Variants in KCNH4 observed in about 807,000 individuals in gnomAD.
KCNH4 encodes the protein voltage-gated delayed rectifier potassium channel KCNH4.
In KCNH4, 33 loss-of-function variants were observed where a neutral mutation model predicts 90.7. That is an observed-to-expected ratio of 0.36 (90% confidence interval 0.28 to 0.49). The LOEUF (loss-of-function observed/expected upper bound fraction) is 0.49. KCNH4 is among the 20% of genes least tolerant of loss of function. The pLI is 0.98. For missense variants in KCNH4, 1,044 were observed against 1,387.1 expected (o/e 0.75, Z 3.93); for synonymous variants, 551 against 581.7 (o/e 0.95, Z 0.76).
rs879025394 is a variant in KCNH4, at chr17:42,169,663, A to G, written c.1404T>C (p.Ala468=). Residue 468 remains alanine, a synonymous_variant, in exon 9 of 17, where the codon GCT becomes GCC. Transcript: ENST00000264661. ...TGGCTGTCACGTTCCCGAACACCAC[A>G]GCGTGCATCAGGGCTGCAGCAGCAG... ...CTMLIGALMH[A]VVFGNVTAII... The G allele has an allele frequency of 6.8e-6, 11 of 1,613,618 alleles. No individual in the cohort carries two copies. The South Asian group carries it at 1.2e-4, about 18-fold the overall frequency.
intron 12 of KCNH4, 75 bp downstream of exon 12, chr17:42,164,055 T>A: frequency 6.6e-7 from 1 of 1,511,574 alleles, no homozygotes; most frequent in South Asian, 1.2e-5. Flanking sequence ...TCCCCATCCA[T>A]GGAAAGGGGG....
chr17:42,164,284 G>A, intron 11 of KCNH4, 116 bp from the exon 12 acceptor site: 1 of 910,964 alleles, frequency 1.1e-6, no homozygotes, highest in Non-Finnish European at 1.6e-6. Flanking sequence ...CTTTTGTGGA[G>A]CTGAGTCAGA....
chr17:42,163,707 A>C lies in KCNH4; in HGVS notation c.2376T>G (p.Ser792Arg), dbSNP rs536215493. The change falls in exon 13 of 17, where the codon AGT (serine) becomes AGG (arginine). Residue 792 changes from serine (S) to arginine (R), a missense_variant. Physicochemically the swap from Ser to Arg is moderately radical, Grantham distance 110. Around this residue, in one of 4 missense-constraint regions of KCNH4, gnomAD observed 441 missense variants for 512.3 expected, o/e 0.86. Coordinates refer to ENST00000264661, the MANE Select transcript of KCNH4 (RefSeq NM_012285.3). The surrounding 1 kb of genome is among the most constrained non-coding windows in gnomAD (Gnocchi z 5.4). Reference protein sequence around the residue: ...LSPALAGQGHSASPHGPPRCS... With the variant: ...LSPALAGQGHRASPHGPPRCS... ...ACCTGGGGGGGCCGTGAGGGGAGGC[A>C]CTGTGGCCCTGGCCAGCCAGGGCAG... The C allele has an allele frequency of 1.3e-6, 2 of 1,517,824 alleles. No individual in the cohort carries two copies. The highest frequency in any genetic ancestry group is 1.3e-5 in the South Asian group (1 of 75,344). The allele number at this position is 1,517,824 out of a possible 1,614,324, so 94.0% of individuals were successfully genotyped here. A position where few individuals can be genotyped will look rare whatever the true frequency, so the allele number is the denominator to read the frequency against.
chr17:42,160,147 G>A lies in KCNH4; in HGVS notation c.2947C>T (p.Pro983Ser), dbSNP rs537473563. The A allele has an allele frequency of 6.2e-7, 1 of 1,611,860 alleles. No individual in the cohort carries two copies. The highest frequency in any genetic ancestry group is 2.2e-5 in the East Asian group (1 of 44,852). Reference protein sequence around the residue: ...DLRPSILPPYPSEPDPLGPSP... With the variant: ...DLRPSILPPYSSEPDPLGPSP... ...GGTCCCAGAGGGTCAGGCTCTGAGGGGTAGGGGGGCAATATGGAAGGTCTC... is the reference window on the plus strand; with the variant it reads ...GGTCCCAGAGGGTCAGGCTCTGAGGAGTAGGGGGGCAATATGGAAGGTCTC... The change falls in exon 16 of 17, where the codon CCC (proline) becomes TCC (serine). Residue 983 changes from proline (P) to serine (S), a missense_variant. Physicochemically the swap from Pro to Ser is moderately conservative, Grantham distance 74. This residue lies in a region of KCNH4 where 441 missense variants were observed against 512.3 expected (regional missense o/e 0.86). Transcript: ENST00000264661.
chr17:42,170,300 G>C lies in KCNH4; in HGVS notation c.1197C>G (p.Gly399=). The C allele has an allele frequency of 6.3e-7, 1 of 1,587,696 alleles. No homozygotes were observed. ...GACGCTTGCCCAACTCATGCAACCA[G>C]CCTGCAGGGTGGACGGATGCAGGGA... ...EANDPLLWDI[G]WLHELGKRLE... is the part of the protein sequence containing the mutation. The change falls in exon 8 of 17, where the codon GGC becomes GGG. Residue 399 remains glycine, a splice_region_variant and synonymous_variant. Coordinates refer to ENST00000264661, the MANE Select transcript of KCNH4 (RefSeq NM_012285.3).
chr17:42,162,319 T>C lies in KCNH4; in HGVS notation c.2587A>G (p.Thr863Ala), dbSNP rs748255437. ...RPRSQAPPTG[T>A]RPSPELASEA... Reference sequence around the variant, plus strand: ...CTGGCCAATTCTGGGCTGGGCCTGGTCCCTGCAGGGTGAAGGGATGCAGGT... The same window carrying C: ...CTGGCCAATTCTGGGCTGGGCCTGGCCCCTGCAGGGTGAAGGGATGCAGGT... The change falls in exon 15 of 17, where the codon ACC becomes GCC. Residue 863 changes from threonine (T) to alanine (A), a missense_variant and splice_region_variant. Physicochemically the swap from Thr to Ala is moderately conservative, Grantham distance 58. Around this residue, in one of 4 missense-constraint regions of KCNH4, gnomAD observed 441 missense variants for 512.3 expected, o/e 0.86. Coordinates refer to ENST00000264661, the MANE Select transcript of KCNH4 (RefSeq NM_012285.3). 23 of 1,613,874 alleles carry C rather than the reference T, an allele frequency of 1.4e-5. No homozygotes were observed. Among genetic ancestry groups the C allele is most frequent in the Non-Finnish European group, 1.9e-5 (22 of 1,179,880 alleles).
rs1197704178 is a variant in KCNH4 at position 42,178,166 on chromosome 17, A to G, written c.519T>C (p.Arg173=). 2 of 1,614,186 alleles carry G rather than the reference A, an allele frequency of 1.2e-6. No homozygotes were observed. Among genetic ancestry groups the G allele is most frequent in the South Asian group, 1.1e-5 (1 of 91,088 alleles). The part of the protein sequence containing the change: ...WKFRSARRRS[R]TVLHRLTGHF... ...GGCCGGTCAGTCGGTGTAGGACAGTACGGCTCCGTCTTCTGGCAGACCGAA... is the reference window on the plus strand; with the variant it reads ...GGCCGGTCAGTCGGTGTAGGACAGTGCGGCTCCGTCTTCTGGCAGACCGAA... The change falls in exon 4 of 17, where the codon CGT becomes CGC. Residue 173 remains arginine, a synonymous_variant. Coordinates refer to ENST00000264661, the MANE Select transcript of KCNH4 (RefSeq NM_012285.3).
At chr17:42,164,235 G>C in intron 11 of KCNH4, 67 bp from the exon 12 acceptor site, 2 of 1,389,042 alleles carry the variant, frequency 1.4e-6, no homozygotes, top group Non-Finnish European at 9.7e-7. Context: ...GACCCTCCCT[G>C]TCCCACCCAA....
rs1434442149 is a variant in KCNH4, at chr17:42,160,313, A to C, written c.2781T>G (p.Pro927=). The C allele has an allele frequency of 2.5e-6, 4 of 1,613,972 alleles. No individual in the cohort carries two copies. The highest frequency in any genetic ancestry group is 2.5e-6 in the Non-Finnish European group (3 of 1,179,958). ...HPAGSAWTPD[P]PCPQLRPPCL... The stretch of plus-strand genomic sequence containing the variant: ...ATGGTGGCCTCAGCTGTGGACAAGG[A>C]GGGTCTGGGGTCCAAGCGGAGCCTG... Residue 927 remains proline, a synonymous_variant, in exon 16 of 17, where the codon CCT becomes CCG. Coordinates refer to ENST00000264661, the MANE Select transcript of KCNH4 (RefSeq NM_012285.3).
rs1295736251 is a variant in KCNH4, at chr17:42,160,321, G to C, written c.2773C>G (p.Pro925Ala). The C allele has an allele frequency of 6.2e-7, 1 of 1,614,102 alleles. No individual in the cohort carries two copies. Among genetic ancestry groups the C allele is most frequent in the East Asian group, 2.2e-5 (1 of 44,860 alleles). The change falls in exon 16 of 17, where the codon CCA (proline) becomes GCA (alanine). Residue 925 changes from proline (P) to alanine (A), a missense_variant. Pro to Ala is a conservative substitution (Grantham distance 27, BLOSUM62 -1). Coordinates refer to ENST00000264661, the MANE Select transcript of KCNH4 (RefSeq NM_012285.3). ...PGHPAGSAWT[P>A]DPPCPQLRPP... is the part of the protein sequence containing the mutation. ...CTCAGCTGTGGACAAGGAGGGTCTG[G>C]GGTCCAAGCGGAGCCTGCTGGGTGG...
intron 6 of KCNH4, 69 bp downstream of exon 6, chr17:42,175,510 G>T: frequency 6.3e-7 from 1 of 1,577,542 alleles, no homozygotes; most frequent in Non-Finnish European, 8.7e-7. Context: ...TTTGGGGTCA[G>T]TCCCTTCCTG....
chr17:42,161,053 AG>A (rs1215394136), intron 15 of KCNH4, among the ~76,000 whole-genome samples: 1 of 149,760 alleles, frequency 6.7e-6, no homozygotes, highest in East Asian at 2.0e-4. Context: ...CAGCCTCCCA[AG>A]TAGCCGAGAC....
chr17:42,160,492 C>G, intron 15 of KCNH4, 57 bp from the exon 16 acceptor site: 1 of 1,498,980 alleles, frequency 6.7e-7, no homozygotes, highest in African/African-American at 1.4e-5. Flanking sequence ...AAGGTGCACC[C>G]CCCTCTCCAG....
chr17:42,177,765 C>A (rs957007949), intron 4 of KCNH4, among the ~76,000 whole-genome samples: 4 of 152,170 alleles, frequency 2.6e-5, no homozygotes, highest in Non-Finnish European at 4.4e-5. Flanking sequence ...AGGGCTTTCT[C>A]CCTAGAACTA....
chr17:42,177,847 A>G (rs1445332230), intron 4 of KCNH4, among the ~76,000 whole-genome samples: 1 of 152,234 alleles, frequency 6.6e-6, no homozygotes, highest in Non-Finnish European at 1.5e-5. Flanking sequence ...TTGCTGCTAG[A>G]GCAATGTGAC....
At chr17:42,157,600 T>A (rs998107438) in intron 16 of KCNH4, among the ~76,000 whole-genome samples, 1 of 152,174 alleles carries the variant, frequency 6.6e-6, no homozygotes, top group South Asian at 2.1e-4. Context: ...CCTGATGTCC[T>A]GAGGTTTTTT....
chr17:42,160,555 G>A, intron 15 of KCNH4, 120 bp from the exon 16 acceptor site: 1 of 1,025,040 alleles, frequency 9.8e-7, no homozygotes, highest in Non-Finnish European at 1.4e-6. Context: ...CTGGGAAAAA[G>A]GCAGGATGAG....
At chr17:42,169,378 C>T (rs2079809976) in intron 9 of KCNH4, 99 bp downstream of exon 9, 7 of 1,169,280 alleles carry the variant, frequency 6.0e-6, no homozygotes, top group South Asian at 1.3e-5. Context: ...CCGAGTTCGG[C>T]CTGCCTCCAT....
At chr17:42,176,452 G>A (rs894435305) in intron 4 of KCNH4, among the ~76,000 whole-genome samples, 155 bp from the exon 5 acceptor site, 1 of 150,232 alleles carries the variant, frequency 6.7e-6, no homozygotes, top group East Asian at 1.9e-4. Flanking sequence ...GGAGAGGGGC[G>A]CAGAGGCTGA....
Sources: allele counts gnomAD v4.1 joint callset (sites outside exome capture counted in the v4.1 genomes callset), GRCh38; gene constraint gnomAD v4.1.1; regional missense constraint gnomAD v4.1.1; non-coding constraint Gnocchi (gnomAD v3.1); transcripts MANE v1.5; gene names NCBI Gene and HGNC (gene_info 2026-07-23, HGNC 2026-07-21).